HLA-DQB2: variants seen among roughly 807,000 people sequenced by gnomAD.
The protein encoded by HLA-DQB2 is HLA class II histocompatibility antigen, DQ beta 2 chain.
In HLA-DQB2, 24 loss-of-function variants were observed where a neutral mutation model predicts 29.2. The observed-to-expected ratio is 0.82, with a 90% CI of 0.60 to 1.16. The LOEUF is 1.16. HLA-DQB2 is among the 50% of genes most tolerant of loss of function. HLA-DQB2 has a pLI of 0.00. For synonymous variants in HLA-DQB2, 104 were observed against 133.1 expected (o/e 0.78, Z 1.51); for missense variants, 273 against 343.6 (o/e 0.79, Z 1.62).
chr6:32,759,363 C>CA (rs1345251509), intron 2 of HLA-DQB2, among the ~76,000 whole-genome samples: 2 of 135,960 alleles, frequency 1.5e-5, no homozygotes, highest in African/African-American at 5.4e-5. Context: ...TAACAGAGAC[C>CA]AAAAAATTGA....
intron 2 of HLA-DQB2, among the ~76,000 whole-genome samples, chr6:32,759,978 T>C (rs891599025): frequency 0.051 from 5,575 of 110,072 alleles, no homozygotes; most frequent in Middle Eastern, 0.11. Flanking sequence ...TCCTGGAGTC[T>C]GACTGAAATA....
intron 5 of HLA-DQB2, chr6:32,756,927 G>A (rs1582378420): frequency 2.5e-6 from 3 of 1,210,880 alleles, no homozygotes; most frequent in Non-Finnish European, 3.1e-6. Context: ...GAGATTCGTA[G>A]AAACTGGCAA....
Position 32,759,016 on chromosome 6 carries a change from CCG to C in HLA-DQB2, c.478_479del (p.Arg160GlufsTer2). The C allele has an allele frequency of 2.5e-6, 4 of 1,614,256 alleles. No homozygotes were observed. The highest frequency in any genetic ancestry group is 2.5e-6 in the Non-Finnish European group (3 of 1,180,058). ...YPAQIKVRWF[R>X]NDQEETAGVV... is the part of the protein sequence containing the mutation. The stretch of plus-strand genomic sequence containing the variant: ...CACCGGCTGTCTCCTCCTGGTCATT[CCG>C]AAACCACCGGACTTTGATCTGGGCT... On this transcript the variant is annotated frameshift_variant, in exon 3 of 6. Coordinates refer to ENST00000437316, the MANE Select transcript of HLA-DQB2 (RefSeq NM_001300790.2). LOFTEE classifies it high-confidence loss of function.
At chr6:32,759,195 C>A (rs1160523663) in intron 2 of HLA-DQB2, 64 bp from the exon 3 acceptor site, 1 of 1,522,366 alleles carries the variant, frequency 6.6e-7, no homozygotes, top group Non-Finnish European at 8.9e-7. Flanking sequence ...AGCACGCCTG[C>A]TGTGAGGAAG....
Position 32,761,768 on chromosome 6 carries a change from C to A in HLA-DQB2, c.256G>T (p.Glu86Ter). ...AAGTCCTTATAGTTGTTCCAGTCCT[C>A]GATGCTCCGCCCCAGCTCGGTCACC... ...QAVTELGRSI[E>*]DWNNYKDFLE... The change falls in exon 2 of 6, where the codon GAG (glutamate) becomes TAG (stop). Residue 86 changes from glutamate (E) to a stop codon, truncating the protein, a stop_gained. Coordinates refer to ENST00000437316, the MANE Select transcript of HLA-DQB2 (RefSeq NM_001300790.2). LOFTEE classifies it high-confidence loss of function. The A allele has an allele frequency of 6.4e-7, 1 of 1,573,416 alleles. No individual in the cohort carries two copies. The highest frequency in any genetic ancestry group is 1.2e-5 in the South Asian group (1 of 85,948).
Position 32,756,139 on chromosome 6 carries a change from T to G in HLA-DQB2, c.*314A>C. ...TTAATTATGGGAAAAAGCACTAAAG[T>G]CAGGTAAATGATTTTGTTTGTCATG... is the stretch of plus-strand genomic sequence containing the variant. On this transcript the variant is annotated 3_prime_UTR_variant, in exon 6 of 6. Coordinates refer to ENST00000437316, the MANE Select transcript of HLA-DQB2 (RefSeq NM_001300790.2). 1 of 422,198 alleles carries G rather than the reference T, an allele frequency of 2.4e-6. No homozygotes were observed. The highest frequency in any genetic ancestry group is 4.2e-6 in the Non-Finnish European group (1 of 237,612). 26.2% of individuals were successfully genotyped at this position (422,198 alleles called of 1,614,324 possible). A position where few individuals can be genotyped will look rare whatever the true frequency, so the allele number is the denominator to read the frequency against.
intron 2 of HLA-DQB2, among the ~76,000 whole-genome samples, chr6:32,761,051 T>C (rs115060568): frequency 0.074 from 9,038 of 122,770 alleles, no homozygotes; most frequent in South Asian, 0.094. Context: ...ATTAAAACAC[T>C]CTCACCTCAA....
intron 4 of HLA-DQB2, 112 bp from the exon 5 acceptor site, chr6:32,757,416 A>G (rs2301271): frequency 0.6 from 473,191 of 793,134 alleles, 144,660 homozygotes; most frequent in East Asian, 0.82. Context: ...CTTCCCTCCC[A>G]TGTTCTTTAA....
chr6:32,762,747 G>A (rs1764961435), intron 1 of HLA-DQB2, among the ~76,000 whole-genome samples: 1 of 152,180 alleles, frequency 6.6e-6, no homozygotes, highest in Non-Finnish European at 1.5e-5. Flanking sequence ...GAATGGAGTG[G>A]TTTCTCAATA....
intron 2 of HLA-DQB2, among the ~76,000 whole-genome samples, chr6:32,761,404 CG>C (rs34757260): frequency 6.6e-6 from 1 of 152,212 alleles, no homozygotes; most frequent in Non-Finnish European, 1.5e-5. Flanking sequence ...GGCCGATGGA[CG>C]GGGAGGCTGG....
At chr6:32,759,242 G>A in intron 2 of HLA-DQB2, 111 bp from the exon 3 acceptor site, 1 of 1,332,686 alleles carries the variant, frequency 7.5e-7, no homozygotes, top group Non-Finnish European at 1.0e-6. Context: ...GATACCTGGA[G>A]TCCAAGTCTT....
intron 2 of HLA-DQB2, among the ~76,000 whole-genome samples, chr6:32,760,240 G>C (rs1329504128): frequency 6.6e-6 from 1 of 151,106 alleles, no homozygotes; most frequent in Non-Finnish European, 1.5e-5. Flanking sequence ...TCAATGCCTT[G>C]AAAGTATCAT....
chr6:32,761,809 A>ACGT lies in HLA-DQB2; in HGVS notation c.212_214dup (p.Asp71dup). 6.3e-7 allele frequency: 1 copy of ACGT among 1,599,766 alleles called. No individual in the cohort carries two copies. Among genetic ancestry groups the ACGT allele is most frequent in the South Asian group, 1.1e-5 (1 of 88,794 alleles). ...CTCGGTCACCGCCTGGAACTCCCCA[A>ACGT]CGTCGCTGTCGAAGCGCCCGTACTC... On this transcript the variant is annotated inframe_insertion, in exon 2 of 6. Coordinates refer to ENST00000437316, the MANE Select transcript of HLA-DQB2 (RefSeq NM_001300790.2).
intron 5 of HLA-DQB2, chr6:32,756,996 G>A: frequency 1.2e-5 from 16 of 1,299,124 alleles, no homozygotes; most frequent in Non-Finnish European, 1.6e-5. Context: ...AGAGACCACT[G>A]TGCCCTGGAA....
At position 32,763,455 on chromosome 6, in the gene HLA-DQB2, G is replaced by A. The variant is rs754341479; in HGVS notation, c.16C>T (p.Pro6Ser). The change falls in exon 1 of 6, where the codon CCT (proline) becomes TCT (serine). Residue 6 changes from proline to serine, a missense_variant. Pro to Ser is a moderately conservative substitution (Grantham distance 74). Coordinates refer to ENST00000437316, the MANE Select transcript of HLA-DQB2 (RefSeq NM_001300790.2). MALQI[P>S]GGFWAAAVTV... ...ACAGCTGCTGCCCAAAAGCCTCCAG[G>A]GATCTGCAGAGCCATCTTCCAAGAC... 3 of 1,557,112 alleles carry A rather than the reference G, an allele frequency of 1.9e-6. No individual in the cohort carries two copies. The highest frequency in any genetic ancestry group is 2.4e-5 in the South Asian group (2 of 84,380).
At chr6:32,756,513 A>T (rs1445395181) in intron 5 of HLA-DQB2, 47 bp from the exon 6 acceptor site, 4 of 1,559,706 alleles carry the variant, frequency 2.6e-6, no homozygotes, top group Non-Finnish European at 3.5e-6. Flanking sequence ...ACCCTGAGGG[A>T]CACACCCTCT....
At chr6:32,756,575 A>T in intron 5 of HLA-DQB2, 109 bp from the exon 6 acceptor site, 1 of 1,502,266 alleles carries the variant, frequency 6.7e-7, no homozygotes, top group Non-Finnish European at 8.9e-7. Context: ...GCTGAGGTCC[A>T]GGGCATATCA....
At chr6:32,756,876 T>G in intron 5 of HLA-DQB2, 1 of 1,180,760 alleles carries the variant, frequency 8.5e-7, no homozygotes, top group Non-Finnish European at 1.0e-6. Context: ...CACAAAAAGA[T>G]GCCACCAAAG....
intron 2 of HLA-DQB2, among the ~76,000 whole-genome samples, chr6:32,759,335 A>G (rs1764570355): frequency 6.6e-6 from 1 of 152,274 alleles, no homozygotes; most frequent in African/African-American, 2.4e-5. Context: ...TCCTGCCTTT[A>G]TAGAACTTGC....
Sources: allele counts gnomAD v4.1 joint callset (sites outside exome capture counted in the v4.1 genomes callset), GRCh38; gene constraint gnomAD v4.1.1; transcripts MANE v1.5; gene names NCBI Gene and HGNC (gene_info 2026-07-23, HGNC 2026-07-21).